Variants in FSTL4 observed in about 807,000 individuals in gnomAD.
FSTL4 encodes follistatin like 4, also known as follistatin-related protein 4.
In FSTL4, 28 loss-of-function variants were observed where a neutral mutation model predicts 78.2. That is an observed-to-expected ratio of 0.36 (90% CI 0.27 to 0.49). The LOEUF (loss-of-function observed/expected upper bound fraction) is 0.49, where lower values mean the gene tolerates loss of function less well. Ranked by LOEUF, FSTL4 falls within the 20% of genes least tolerant of loss-of-function variation. FSTL4 has a pLI of 0.98. For missense variants in FSTL4, 922 were observed against 1,084.9 expected (o/e 0.85, Z 2.11); for synonymous variants, 422 against 440.5 (o/e 0.96, Z 0.53).
the FSTL4 span, among the ~76,000 whole-genome samples, chr5:133,759,602 T>C: frequency 6.6e-6 from 1 of 152,244 alleles, no homozygotes; most frequent in East Asian, 1.9e-4. Context: ...TATAGCACTA[T>C]ACAAGTATAC....
chr5:133,430,295 C>A (rs191967525), intron 3 of FSTL4, among the ~76,000 whole-genome samples: 6 of 152,316 alleles, frequency 3.9e-5, no homozygotes, highest in African/African-American at 1.4e-4. Flanking sequence ...AGTCTTGCTC[C>A]AGTTTGAGTG....
chr5:133,670,744 C>T, the FSTL4 span, among the ~76,000 whole-genome samples: 1 of 152,154 alleles, frequency 6.6e-6, no homozygotes, highest in South Asian at 2.1e-4. Context: ...TTTATAAGAT[C>T]CTGAATGTTA....
chr5:133,454,717 G>A (rs1757450453), intron 3 of FSTL4, among the ~76,000 whole-genome samples: 1 of 152,172 alleles, frequency 6.6e-6, no homozygotes, highest in Admixed American at 6.5e-5. Flanking sequence ...CCCACATTCT[G>A]TTGACCTAGA....
chr5:133,235,821 G>A (rs115099833), intron 7 of FSTL4, among the ~76,000 whole-genome samples: 5 of 152,164 alleles, frequency 3.3e-5, no homozygotes, highest in Non-Finnish European at 7.3e-5. Flanking sequence ...AGTCATAAAA[G>A]GTTCATATCT....
chr5:133,801,799 G>C, the FSTL4 span, among the ~76,000 whole-genome samples: 1 of 152,242 alleles, frequency 6.6e-6, no homozygotes, highest in East Asian at 1.9e-4. Context: ...GGCTCTAGTG[G>C]GACAGAACCA....
chr5:133,719,672 T>TAA, the FSTL4 span, among the ~76,000 whole-genome samples: 227 of 102,024 alleles, frequency 2.2e-3, no homozygotes, highest in African/African-American at 6.8e-3. Flanking sequence ...AAACTCCATC[T>TAA]AAAAAAAAAA....
At chr5:133,655,445 T>C in the FSTL4 span, among the ~76,000 whole-genome samples, 1 of 152,184 alleles carries the variant, frequency 6.6e-6, no homozygotes, top group Non-Finnish European at 1.5e-5. Context: ...CAAATTGCCA[T>C]CTTATTGGGC....
At chr5:133,354,934 C>T (rs1203475528) in intron 4 of FSTL4, among the ~76,000 whole-genome samples, 1 of 152,222 alleles carries the variant, frequency 6.6e-6, no homozygotes, top group African/African-American at 2.4e-5. Context: ...CTGCTCTGTG[C>T]CTGCTGGCTC....
At chr5:133,523,985 G>T (rs1297672987) in intron 3 of FSTL4, among the ~76,000 whole-genome samples, 1 of 152,240 alleles carries the variant, frequency 6.6e-6, no homozygotes, top group African/African-American at 2.4e-5. Flanking sequence ...GGGTGTCCTT[G>T]TGACAGGAAC....
At chr5:133,406,106 G>C (rs116303269) in intron 3 of FSTL4, among the ~76,000 whole-genome samples, 16 of 152,236 alleles carry the variant, frequency 1.1e-4, no homozygotes, top group Admixed American at 3.3e-4. Flanking sequence ...AATAACCAGG[G>C]TGCTGCAGCG....
chr5:133,323,589 C>T (rs1317352094), intron 4 of FSTL4, among the ~76,000 whole-genome samples: 1 of 152,234 alleles, frequency 6.6e-6, no homozygotes, highest in African/African-American at 2.4e-5. Context: ...CCTGGTAAGC[C>T]TGACACTGAC....
chr5:133,818,633 C>A, the FSTL4 span, among the ~76,000 whole-genome samples: 5 of 152,164 alleles, frequency 3.3e-5, no homozygotes, highest in African/African-American at 1.2e-4. Context: ...AGCCTACTCA[C>A]GAAGTGCATT....
the FSTL4 span, among the ~76,000 whole-genome samples, chr5:133,706,979 C>T: frequency 6.6e-6 from 1 of 152,200 alleles, no homozygotes; most frequent in Non-Finnish European, 1.5e-5. Context: ...AAGGCACTCT[C>T]TCACACTGCA....
intron 3 of FSTL4, among the ~76,000 whole-genome samples, chr5:133,427,961 T>C (rs1400605947): frequency 6.6e-6 from 1 of 152,156 alleles, no homozygotes. Context: ...AGGCAGCTAT[T>C]TCAAGAACTC....
the FSTL4 span, among the ~76,000 whole-genome samples, chr5:133,798,002 T>C: frequency 2.0e-5 from 3 of 152,076 alleles, no homozygotes; most frequent in African/African-American, 7.2e-5. Flanking sequence ...CACACCATTG[T>C]GCAAGGACAA....
chr5:133,629,991 G>A, the FSTL4 span, among the ~76,000 whole-genome samples: 15 of 152,266 alleles, frequency 9.9e-5, no homozygotes, highest in African/African-American at 2.4e-4. Flanking sequence ...TTGATGCAAC[G>A]TATTTCAAAA....
intron 6 of FSTL4, among the ~76,000 whole-genome samples, chr5:133,302,942 T>C (rs980076498): frequency 4.6e-5 from 7 of 152,246 alleles, no homozygotes; most frequent in African/African-American, 1.7e-4. Context: ...CCAGGCTGAA[T>C]GCCCACCACA....
At chr5:133,698,407 T>C in the FSTL4 span, among the ~76,000 whole-genome samples, 37 of 152,106 alleles carry the variant, frequency 2.4e-4, 1 homozygote. Flanking sequence ...CAGACCTGAG[T>C]CCAAATCCCA....
intron 6 of FSTL4, among the ~76,000 whole-genome samples, chr5:133,283,014 TTAGCACAAGGTTGGGGCCC>T (rs1486310931): frequency 6.6e-6 from 1 of 151,832 alleles, no homozygotes; most frequent in Non-Finnish European, 1.5e-5. Context: ...GGAATGTCTG[TTAGCACAAGGTTGGGGCCC>T]TGGGCTGGAG....
Sources: allele counts gnomAD v4.1 joint callset (sites outside exome capture counted in the v4.1 genomes callset), GRCh38; gene constraint gnomAD v4.1.1; transcripts MANE v1.5; gene names NCBI Gene and HGNC (gene_info 2026-07-23, HGNC 2026-07-21).